Variants in ANKS1A observed in about 807,000 individuals in gnomAD.
The protein encoded by ANKS1A is ankyrin repeat and SAM domain-containing protein 1A.
ANKS1A carries 55 observed loss-of-function variants against 120.3 expected under a neutral mutation model. That is an observed-to-expected ratio of 0.46 (90% CI 0.37 to 0.57). The LOEUF is 0.57. ANKS1A is among the 20% of genes least tolerant of loss of function. ANKS1A has a pLI of 0.00. For missense variants in ANKS1A, 1,123 were observed against 1,480.3 expected, an observed-to-expected ratio of 0.76 and a Z score of 3.96; for synonymous variants, 590 against 604.7, an observed-to-expected ratio of 0.98 and a Z score of 0.36.
At chr6:34,998,523 T>C (rs1404313736) in intron 10 of ANKS1A, among the ~76,000 whole-genome samples, 4 of 152,148 alleles carry the variant, frequency 2.6e-5, no homozygotes, top group Admixed American at 6.5e-5. Context: ...TAGTTAAAAT[T>C]CTACCCCTGA....
chr6:34,983,511 T>A, intron 7 of ANKS1A, 86 bp downstream of exon 7: 1 of 1,153,800 alleles, frequency 8.7e-7, no homozygotes, highest in Non-Finnish European at 1.2e-6. Flanking sequence ...AATCTTAATT[T>A]AAATAATAAT....
rs144671441 is a variant in ANKS1A at position 35,009,548 on chromosome 6, A to T, written c.1424-7925A>T. Among the ~76,000 whole-genome samples the T allele has an allele frequency of 2.0e-5, 3 of 152,224 alleles. No homozygotes were observed. The East Asian group carries it at 5.8e-4, about 29-fold the overall frequency. On this transcript the variant is annotated intron_variant, in intron 10 of 23. Coordinates refer to ENST00000360359, the MANE Select transcript of ANKS1A (RefSeq NM_015245.3). The stretch of plus-strand genomic sequence containing the variant: ...CACTTGGAAATATGAGTCTGATGAG[A>T]GATGTGAAGGTTAGAAATACAGATT...
At chr6:34,896,006 T>C (rs1212704212) in intron 1 of ANKS1A, among the ~76,000 whole-genome samples, 4 of 151,644 alleles carry the variant, frequency 2.6e-5, no homozygotes, top group African/African-American at 9.7e-5. Context: ...GCTCAGGCAG[T>C]CTACCCTCAG....
intron 16 of ANKS1A, 103 bp from the exon 17 acceptor site, chr6:35,080,891 G>A (rs942683899): frequency 3.2e-5 from 45 of 1,406,950 alleles, no homozygotes; most frequent in African/African-American, 8.6e-5. Context: ...TGCTTCTCCC[G>A]GTGCCGCTGC....
intron 16 of ANKS1A, among the ~76,000 whole-genome samples, chr6:35,080,158 G>A (rs999422468): frequency 3.9e-5 from 6 of 152,114 alleles, no homozygotes; most frequent in Non-Finnish European, 8.8e-5. Context: ...AAAACACCAG[G>A]CCATGGCTGG....
intron 10 of ANKS1A, among the ~76,000 whole-genome samples, chr6:35,001,317 C>A (rs2127544049): frequency 1.3e-5 from 2 of 152,336 alleles, no homozygotes; most frequent in South Asian, 4.1e-4. Flanking sequence ...AGACAGCATA[C>A]CAAGATGCAA....
intron 10 of ANKS1A, among the ~76,000 whole-genome samples, chr6:35,004,206 G>A (rs1773320320): frequency 6.6e-6 from 1 of 152,144 alleles, no homozygotes; most frequent in South Asian, 2.1e-4. Context: ...CAGGGAGCTC[G>A]GATTTTAAGA....
intron 1 of ANKS1A, among the ~76,000 whole-genome samples, chr6:34,945,477 C>G (rs971985232): frequency 6.6e-6 from 1 of 152,200 alleles, no homozygotes; most frequent in African/African-American, 2.4e-5. Context: ...CCAGTTGTTG[C>G]AAAGACCATC....
chr6:35,067,585 G>A (rs1024430100), intron 13 of ANKS1A, among the ~76,000 whole-genome samples: 1 of 152,152 alleles, frequency 6.6e-6, no homozygotes, highest in African/African-American at 2.4e-5. Context: ...TGTCATGGGG[G>A]ATATTCACAT....
chr6:34,908,345 A>G (rs957271092), intron 1 of ANKS1A, among the ~76,000 whole-genome samples: 1 of 152,198 alleles, frequency 6.6e-6, no homozygotes, highest in Non-Finnish European at 1.5e-5. Context: ...AAAATAAGAA[A>G]GACCTGTTTG....
intron 11 of ANKS1A, among the ~76,000 whole-genome samples, chr6:35,024,240 A>C (rs1003024901): frequency 2.6e-5 from 4 of 152,124 alleles, no homozygotes; most frequent in East Asian, 1.9e-4. Flanking sequence ...TACCCACAGC[A>C]CACACACACA....
intron 1 of ANKS1A, among the ~76,000 whole-genome samples, chr6:34,892,580 C>A (rs950556842): frequency 5.3e-5 from 8 of 152,162 alleles, no homozygotes; most frequent in Non-Finnish European, 8.8e-5. Context: ...TGTTTGTGTT[C>A]CCCCATCCCG....
chr6:35,031,486 C>T (rs1429380350), intron 11 of ANKS1A, among the ~76,000 whole-genome samples: 1 of 152,170 alleles, frequency 6.6e-6, no homozygotes, highest in Non-Finnish European at 1.5e-5. Context: ...TGAGCCAGGC[C>T]TTGTAAAGGG....
At chr6:34,993,112 T>C (rs542786180) in intron 9 of ANKS1A, among the ~76,000 whole-genome samples, 6 of 152,338 alleles carry the variant, frequency 3.9e-5, no homozygotes, top group African/African-American at 1.4e-4. Context: ...GCCAAACTGA[T>C]CAAGAAGAGA....
At chr6:34,912,612 A>G (rs1224038213) in intron 1 of ANKS1A, among the ~76,000 whole-genome samples, 4 of 152,178 alleles carry the variant, frequency 2.6e-5, no homozygotes, top group Non-Finnish European at 5.9e-5. Context: ...AAATAACTGA[A>G]CATTTCTCAC....
At chr6:35,049,234 A>G (rs1201543653) in intron 11 of ANKS1A, among the ~76,000 whole-genome samples, 1 of 152,186 alleles carries the variant, frequency 6.6e-6, no homozygotes, top group East Asian at 1.9e-4. Context: ...TAGAGAATTC[A>G]TACTGGTCCA....
At chr6:35,036,213 G>C (rs1775161385) in intron 11 of ANKS1A, among the ~76,000 whole-genome samples, 1 of 152,196 alleles carries the variant, frequency 6.6e-6, no homozygotes. Context: ...CAGCTGGAAG[G>C]GTCTGGGGCT....
At chr6:35,095,777 C>A (rs1778454752), downstream of ANKS1A, among the ~76,000 whole-genome samples, 1 of 151,856 alleles carries the variant, frequency 6.6e-6, no homozygotes, top group African/African-American at 2.4e-5. Flanking sequence ...AACCTTATAC[C>A]AAAAAAATAC....
chr6:35,068,533 T>A (rs1193867700), intron 13 of ANKS1A, among the ~76,000 whole-genome samples: 6 of 152,174 alleles, frequency 3.9e-5, no homozygotes, highest in Non-Finnish European at 7.3e-5. Flanking sequence ...CTCCCTACTC[T>A]TGGTTAGCGG....
Sources: gnomAD v4.1 joint callset for allele counts (sites outside exome capture counted in the v4.1 genomes callset) on GRCh38, gnomAD v4.1.1 for gene constraint, MANE v1.5 for transcripts, NCBI Gene and HGNC (gene_info 2026-07-23, HGNC 2026-07-21) for gene names.